Variants in GLDC observed in about 807,000 individuals in gnomAD.
The protein encoded by GLDC is glycine decarboxylase.
GLDC carries 104 observed loss-of-function variants against 121.3 expected under a neutral mutation model. The ratio of observed to expected loss-of-function variants is 0.86; its 90% CI spans 0.73 to 1.01. The LOEUF is 1.01. Ranked by LOEUF, GLDC falls within the 50% of genes least tolerant of loss-of-function variation. The pLI, the probability that GLDC is intolerant of heterozygous loss-of-function variation, is 0.00. For missense variants in GLDC, 1,429 were observed against 1,306.6 expected (o/e 1.09, Z -1.44); for synonymous variants, 546 against 480.6 (o/e 1.14, Z -1.78).
intron 3 of GLDC, among the ~76,000 whole-genome samples, chr9:6,613,449 G>C (rs912643655): frequency 6.6e-6 from 1 of 152,116 alleles, no homozygotes; most frequent in Non-Finnish European, 1.5e-5. Flanking sequence ...AACATAGCGA[G>C]ACTCTGTCTC....
chr9:6,612,359 C>T (rs993838861), intron 3 of GLDC, among the ~76,000 whole-genome samples: 25 of 152,062 alleles, frequency 1.6e-4, no homozygotes, highest in Non-Finnish European at 1.0e-4. Flanking sequence ...AAGGCAACCT[C>T]CCCACCACAC....
chr9:6,553,255 T>C (rs183082572), intron 20 of GLDC, 113 bp downstream of exon 20: 13 of 939,874 alleles, frequency 1.4e-5, no homozygotes, highest in Admixed American at 1.2e-4. Flanking sequence ...TTGAACCACA[T>C]CTCAGATCAT....
intron 18 of GLDC, among the ~76,000 whole-genome samples, chr9:6,555,304 C>T (rs1817600891): frequency 6.6e-6 from 1 of 152,124 alleles, no homozygotes; most frequent in African/African-American, 2.4e-5. Context: ...CCCGAGATGA[C>T]CCAGATACCA....
At chr9:6,553,322 G>A in intron 20 of GLDC, 46 bp downstream of exon 20, 1 of 1,590,170 alleles carries the variant, frequency 6.3e-7, no homozygotes, top group Non-Finnish European at 8.6e-7. Flanking sequence ...ATGCATGCCT[G>A]ACGCCCCCAC....
chr9:6,536,294 G>C, intron 22 of GLDC, 58 bp from the exon 23 acceptor site: 3 of 1,442,990 alleles, frequency 2.1e-6, no homozygotes. Context: ...ACCCAGTTTG[G>C]AAGAAAAGTT....
At chr9:6,544,473 G>T (rs566517045) in intron 21 of GLDC, among the ~76,000 whole-genome samples, 17 of 152,016 alleles carry the variant, frequency 1.1e-4, no homozygotes, top group Non-Finnish European at 1.6e-4. Flanking sequence ...GCGAAACCTC[G>T]TCTATACTGA....
chr9:6,606,504 C>T, intron 5 of GLDC, 88 bp downstream of exon 5: 1 of 898,024 alleles, frequency 1.1e-6, no homozygotes, highest in East Asian at 2.4e-5. Flanking sequence ...GATTCACCTC[C>T]AATCAGTTTG....
intron 8 of GLDC, among the ~76,000 whole-genome samples, chr9:6,599,025 A>G (rs1447646409): frequency 6.6e-6 from 1 of 152,080 alleles, no homozygotes; most frequent in East Asian, 1.9e-4. Flanking sequence ...TACTAAAAAT[A>G]CAAAAAATAT....
At chr9:6,597,921 G>A (rs562115888) in intron 8 of GLDC, among the ~76,000 whole-genome samples, 5 of 102,034 alleles carry the variant, frequency 4.9e-5, no homozygotes, top group South Asian at 2.7e-4. Flanking sequence ...GCGATGGAGC[G>A]AGACTCGTCT....
chr9:6,538,717 C>T (rs1267674819), intron 22 of GLDC, among the ~76,000 whole-genome samples: 5 of 152,196 alleles, frequency 3.3e-5, no homozygotes, highest in Non-Finnish European at 7.3e-5. Context: ...CTGTGAGCCC[C>T]TCCTCTCTCT....
intron 2 of GLDC, among the ~76,000 whole-genome samples, chr9:6,626,649 G>A (rs1480207269): frequency 6.9e-6 from 1 of 144,276 alleles, no homozygotes; most frequent in Non-Finnish European, 1.5e-5. Flanking sequence ...GAAGTCCCTA[G>A]ACTCTCAAGT....
chr9:6,537,953 TCA>T (rs1817171001), intron 22 of GLDC, among the ~76,000 whole-genome samples: 2 of 152,202 alleles, frequency 1.3e-5, no homozygotes, highest in African/African-American at 4.8e-5. Context: ...TTAGTACACT[TCA>T]CTCTTAAACC....
intron 2 of GLDC, among the ~76,000 whole-genome samples, chr9:6,623,327 T>A (rs373286819): frequency 2.1e-5 from 3 of 140,486 alleles, no homozygotes; most frequent in Admixed American, 7.4e-5. Flanking sequence ...CCCAACCCTG[T>A]GCTCTCTGAA....
chr9:6,621,709 G>A (rs766655460), intron 2 of GLDC, among the ~76,000 whole-genome samples: 31 of 152,076 alleles, frequency 2.0e-4, no homozygotes, highest in Admixed American at 5.9e-4. Context: ...GTAGAGATGG[G>A]GTTTCACCAT....
intron 24 of GLDC, 35 bp from the exon 25 acceptor site, chr9:6,533,195 G>T (rs764113678): frequency 6.2e-7 from 1 of 1,604,924 alleles, no homozygotes; most frequent in South Asian, 1.1e-5. Flanking sequence ...GCTGTGAGAT[G>T]TTCTGGGAGG....
At chr9:6,632,303 C>G (rs1819400559) in intron 2 of GLDC, among the ~76,000 whole-genome samples, 1 of 152,122 alleles carries the variant, frequency 6.6e-6, no homozygotes, top group African/African-American at 2.4e-5. Context: ...GTGTGAGCCT[C>G]AGAGAAACAT....
intron 15 of GLDC, among the ~76,000 whole-genome samples, chr9:6,585,868 G>GTATGTATCTATCTATC (rs1554646413): frequency 8.6e-6 from 1 of 116,356 alleles, no homozygotes; most frequent in African/African-American, 2.8e-5. Context: ...ATGTATGTAT[G>GTATGTATCTATCTATC]TATCTATCTA....
intron 14 of GLDC, 97 bp from the exon 15 acceptor site, chr9:6,587,380 G>T: frequency 1.1e-6 from 1 of 926,108 alleles, no homozygotes; most frequent in Non-Finnish European, 1.7e-6. Context: ...AAAGCTATGT[G>T]CCAGGCACTG....
intron 21 of GLDC, among the ~76,000 whole-genome samples, chr9:6,544,666 G>A (rs964541702): frequency 2.0e-5 from 3 of 149,956 alleles, no homozygotes; most frequent in Non-Finnish European, 4.4e-5. Flanking sequence ...AAATGGATAG[G>A]CATATAAGAA....
Sources: allele counts gnomAD v4.1 joint callset (sites outside exome capture counted in the v4.1 genomes callset), GRCh38; gene constraint gnomAD v4.1.1; transcripts MANE v1.5; gene names NCBI Gene and HGNC (gene_info 2026-07-23, HGNC 2026-07-21).